Variants in OCM observed in about 807,000 individuals in gnomAD.
The protein encoded by OCM is oncomodulin.
A neutral mutation model predicts 14.1 loss-of-function variants in OCM; 18 were observed. That is an observed-to-expected ratio of 1.28 (90% CI 0.88 to 1.89). The LOEUF (loss-of-function observed/expected upper bound fraction) is 1.89, where lower values mean the gene tolerates loss of function less well. OCM is among the 40% of genes most tolerant of loss of function. OCM has a pLI of 0.00. For synonymous variants in OCM, 48 were observed against 51.0 expected (o/e 0.94, Z 0.25); for missense variants, 140 against 137.6 (o/e 1.02, Z -0.09).
intron 3 of OCM, among the ~76,000 whole-genome samples, 182 bp downstream of exon 3, chr7:5,884,181 TGGCATAATGCTC>T (rs1298210779): frequency 1.3e-5 from 2 of 152,188 alleles, no homozygotes; most frequent in Admixed American, 6.6e-5. Flanking sequence ...GTAAAAACCC[TGGCATAATGCTC>T]GGTAGGTACT....
intron 1 of OCM, among the ~76,000 whole-genome samples, chr7:5,881,881 G>C (rs919995449): frequency 2.0e-4 from 31 of 151,850 alleles, no homozygotes; most frequent in African/African-American, 7.5e-4. Flanking sequence ...GAGGTCAGGA[G>C]TTCAAGACCA....
upstream of OCM, among the ~76,000 whole-genome samples, chr7:5,875,075 G>A (rs1276915152): frequency 7.2e-6 from 1 of 138,994 alleles, no homozygotes; most frequent in Non-Finnish European, 1.5e-5. Flanking sequence ...TTTTTTTTGA[G>A]ACGGAGTCTT....
the OCM span, among the ~76,000 whole-genome samples, chr7:5,868,453 A>G: frequency 5.3e-5 from 8 of 151,888 alleles, no homozygotes; most frequent in Non-Finnish European, 1.0e-4. Context: ...GGCCACTCCC[A>G]TCTTTATTTC....
the OCM span, among the ~76,000 whole-genome samples, chr7:5,860,023 G>C: frequency 6.7e-6 from 1 of 149,844 alleles, no homozygotes; most frequent in South Asian, 2.1e-4. Context: ...CCTGGGTTCT[G>C]AATCTCATGG....
the OCM span, among the ~76,000 whole-genome samples, chr7:5,873,369 C>T: frequency 1.3e-5 from 2 of 152,132 alleles, no homozygotes; most frequent in Non-Finnish European, 2.9e-5. Flanking sequence ...AAGAGCAAAA[C>T]TCCATCTCAA....
At chr7:5,863,307 G>T in the OCM span, among the ~76,000 whole-genome samples, 58 of 152,148 alleles carry the variant, frequency 3.8e-4, 1 homozygote, top group African/African-American at 1.3e-3. Context: ...CCTCCCGGGC[G>T]TGTCCTCAAA....
At chr7:5,863,173 A>G in the OCM span, among the ~76,000 whole-genome samples, 1 of 152,068 alleles carries the variant, frequency 6.6e-6, no homozygotes, top group Non-Finnish European at 1.5e-5. Flanking sequence ...GAATGGGACC[A>G]TTTGCCTCTC....
the OCM span, among the ~76,000 whole-genome samples, chr7:5,869,031 C>A: frequency 6.6e-6 from 1 of 152,090 alleles, no homozygotes; most frequent in Non-Finnish European, 1.5e-5. Flanking sequence ...CCATTGTACT[C>A]CAGCCTGGGC....
rs1781335886 is a variant in OCM, at chr7:5,886,278, A to G, written c.*189A>G. Reference sequence around the variant, plus strand: ...ACTCCTGACTTTCTTGGTGGTGGGTATATGCCCTGACAACTTCTGTAAGCC... The same window carrying G: ...ACTCCTGACTTTCTTGGTGGTGGGTGTATGCCCTGACAACTTCTGTAAGCC... On this transcript the variant is annotated 3_prime_UTR_variant, in exon 4 of 4. Coordinates refer to ENST00000242104, the MANE Select transcript of OCM (RefSeq NM_001097622.2). 1.1e-5 allele frequency: 8 copies of G among 701,052 alleles called. No homozygotes were observed. The highest frequency in any genetic ancestry group is 2.9e-5 in the Admixed American group (1 of 35,052). The allele number at this position is 701,052 out of a possible 1,614,324, so 43.4% of individuals were successfully genotyped here.
chr7:5,883,703 A>ACAAG (rs914467611), intron 2 of OCM, among the ~76,000 whole-genome samples, 187 bp from the exon 3 acceptor site: 98 of 150,996 alleles, frequency 6.5e-4, no homozygotes, highest in Non-Finnish European at 1.1e-3. Flanking sequence ...AAACAAACAA[A>ACAAG]CAAAACCTTA....
the OCM span, among the ~76,000 whole-genome samples, chr7:5,871,272 T>A: frequency 6.6e-6 from 1 of 151,590 alleles, no homozygotes; most frequent in Non-Finnish European, 1.5e-5. Flanking sequence ...GGAGGATCAC[T>A]TGAGCCCAGG....
At chr7:5,877,406 TGC>T (rs1283474701), upstream of OCM, among the ~76,000 whole-genome samples, 5 of 147,476 alleles carry the variant, frequency 3.4e-5, no homozygotes, top group Admixed American at 1.4e-4. Flanking sequence ...AGGTCAAGGC[TGC>T]AGTGAGCCGA....
At chr7:5,873,245 G>A in the OCM span, among the ~76,000 whole-genome samples, 122 of 152,006 alleles carry the variant, frequency 8.0e-4, no homozygotes, top group African/African-American at 2.7e-3. Flanking sequence ...GTATGGTGGC[G>A]CACACCTGTA....
chr7:5,862,575 C>G, the OCM span, among the ~76,000 whole-genome samples: 1 of 152,172 alleles, frequency 6.6e-6, no homozygotes, highest in Non-Finnish European at 1.5e-5. Flanking sequence ...TGCAGCATGG[C>G]CCTATTCCCC....
At chr7:5,878,220 C>T (rs1781134673), upstream of OCM, among the ~76,000 whole-genome samples, 1 of 151,322 alleles carries the variant, frequency 6.6e-6, no homozygotes, top group African/African-American at 2.4e-5. Flanking sequence ...ACCTCGGCCT[C>T]CCAAAGTGCT....
intron 2 of OCM, among the ~76,000 whole-genome samples, chr7:5,882,840 CT>C (rs10581848): frequency 0.41 from 48,809 of 119,338 alleles, 9,983 homozygotes; most frequent in African/African-American, 0.64. Flanking sequence ...TGCAAAGATT[CT>C]TTTTTTTTTT....
chr7:5,885,672 G>A lies in OCM; in HGVS notation c.305-392G>A, dbSNP rs4451217. Among the ~76,000 whole-genome samples the A allele has an allele frequency of 2.7e-5, 4 of 149,372 alleles. No individual in the cohort carries two copies. In the East Asian group the frequency reaches 7.9e-4, roughly 29 times the overall value. ...CTCGCCCAGGCTAGAGTGCAATGGC[G>A]TGATTTCGGCTCACTGCAACCTCCG... is the stretch of plus-strand genomic sequence containing the variant. On this transcript the variant is annotated intron_variant, in intron 3 of 3. Coordinates refer to ENST00000242104, the MANE Select transcript of OCM (RefSeq NM_001097622.2).
At chr7:5,875,528 G>A (rs1310199830), upstream of OCM, among the ~76,000 whole-genome samples, 4 of 152,030 alleles carry the variant, frequency 2.6e-5, no homozygotes, top group South Asian at 6.2e-4. Flanking sequence ...GGCTGGTCTC[G>A]AATTCCTGGG....
chr7:5,869,510 A>G, the OCM span, among the ~76,000 whole-genome samples: 1 of 152,144 alleles, frequency 6.6e-6, no homozygotes, highest in Non-Finnish European at 1.5e-5. Flanking sequence ...AGACAGAAGA[A>G]TCACTTGAAC....
Sources: gnomAD v4.1 joint callset for allele counts (sites outside exome capture counted in the v4.1 genomes callset) on GRCh38, gnomAD v4.1.1 for gene constraint, MANE v1.5 for transcripts, NCBI Gene and HGNC (gene_info 2026-07-23, HGNC 2026-07-21) for gene names.